The following RBMS2 variants were observed in gnomAD, a reference collection of about 807,000 sequenced individuals.
RBMS2 encodes the protein RNA binding motif single stranded interacting protein 2.
In RBMS2, 38 loss-of-function variants were observed where a neutral mutation model predicts 58.4. That is an observed-to-expected ratio of 0.65 (90% CI 0.50 to 0.85). The LOEUF (loss-of-function observed/expected upper bound fraction) is 0.85, where lower values mean the gene tolerates loss of function less well. RBMS2 is among the 40% of genes least tolerant of loss of function. RBMS2 has a pLI of 0.00. For missense variants in RBMS2, 367 were observed against 503.7 expected, an observed-to-expected ratio of 0.73 and a Z score of 2.60; for synonymous variants, 151 against 180.7, an observed-to-expected ratio of 0.84 and a Z score of 1.32.
In RBMS2 at chr12:56,547,397, T is replaced by C. The variant is rs538815179; in HGVS notation, c.67-15020T>C. On this transcript the variant is annotated intron_variant, in intron 1 of 13. Transcript: ENST00000262031. ...AAAAGTTTATTGTTCTGGCTGGGTA[T>C]GGTGGCTCATGCCTGTAATCCCAGC... Among the ~76,000 whole-genome samples, 87 of 151,158 alleles carry C rather than the reference T, an allele frequency of 5.8e-4. 1 individual carries two copies. The highest frequency in any genetic ancestry group is 2.1e-3 in the African/African-American group (86 of 41,220).
At chr12:56,536,200 CAAAAAAAAAAAAA>C (rs71446560) in intron 1 of RBMS2, among the ~76,000 whole-genome samples, 5 of 76,422 alleles carry the variant, frequency 6.5e-5, no homozygotes, top group African/African-American at 1.9e-4. Context: ...AACTCTGTCT[CAAAAAAAAAAAAA>C]AAAAAAAAAA....
intron 1 of RBMS2, among the ~76,000 whole-genome samples, chr12:56,541,055 T>C (rs2136299687): frequency 6.7e-6 from 1 of 149,588 alleles, no homozygotes; most frequent in Admixed American, 6.7e-5. Context: ...GAACCATGAT[T>C]GTGCCACTAC....
At chr12:56,587,430 C>G (rs1320993167) in intron 10 of RBMS2, 124 bp from the exon 11 acceptor site, 8 of 1,003,942 alleles carry the variant, frequency 8.0e-6, no homozygotes, top group Admixed American at 2.8e-5. Context: ...TGGGTTGCTG[C>G]TCACTTACCA....
intron 5 of RBMS2, among the ~76,000 whole-genome samples, chr12:56,573,718 A>G (rs1882707100): frequency 6.6e-6 from 1 of 150,384 alleles, no homozygotes; most frequent in South Asian, 2.1e-4. Context: ...AATACCTAAC[A>G]GTTCAATTTA....
At chr12:56,573,295 G>A (rs1882602607) in intron 5 of RBMS2, 3 of 543,302 alleles carry the variant, frequency 5.5e-6, no homozygotes, top group Admixed American at 6.4e-5. Flanking sequence ...TGGCCAACCT[G>A]GTGAAACCCC....
At position 56,551,961 on chromosome 12, in the gene RBMS2, G is replaced by T. The variant is rs1433112545; in HGVS notation, c.67-10456G>T. On this transcript the variant is annotated intron_variant, in intron 1 of 13. Coordinates refer to ENST00000262031, the MANE Select transcript of RBMS2 (RefSeq NM_002898.4). Reference sequence around the variant, plus strand: ...AACTTAGCCGGGCATGGTGGCATGCGCCTGTAGTCCCAGGTACGTGGGAGG... The same window carrying T: ...AACTTAGCCGGGCATGGTGGCATGCTCCTGTAGTCCCAGGTACGTGGGAGG... Among the ~76,000 whole-genome samples, 5 of 152,130 alleles carry T rather than the reference G, an allele frequency of 3.3e-5. No individual in the cohort carries two copies. The East Asian group carries it at 9.6e-4, about 29-fold the overall frequency.
At chr12:56,532,695 T>C (rs1873991470) in intron 1 of RBMS2, among the ~76,000 whole-genome samples, 1 of 152,198 alleles carries the variant, frequency 6.6e-6, no homozygotes, top group African/African-American at 2.4e-5. Context: ...TTTATTTCCT[T>C]CCATTCTTTT....
chr12:56,528,179 G>A (rs554741651), intron 1 of RBMS2, among the ~76,000 whole-genome samples: 3 of 152,056 alleles, frequency 2.0e-5, no homozygotes, highest in South Asian at 2.1e-4. Context: ...AGCTGGTAGA[G>A]GTCGAGGCTA....
At chr12:56,541,411 G>A (rs1267727332) in intron 1 of RBMS2, among the ~76,000 whole-genome samples, 1 of 152,120 alleles carries the variant, frequency 6.6e-6, no homozygotes, top group Non-Finnish European at 1.5e-5. Context: ...TTGCAAACTG[G>A]TAGGGCTGTA....
intron 5 of RBMS2, among the ~76,000 whole-genome samples, chr12:56,576,293 C>T (rs758301727): frequency 2.0e-5 from 3 of 152,134 alleles, no homozygotes; most frequent in Non-Finnish European, 2.9e-5. Context: ...GCCAAGATCA[C>T]ACCACTGCAC....
At chr12:56,570,971 G>A (rs1240488536) in intron 4 of RBMS2, among the ~76,000 whole-genome samples, 2 of 152,200 alleles carry the variant, frequency 1.3e-5, no homozygotes, top group Admixed American at 6.5e-5. Context: ...TAAAGAAAAG[G>A]AAAACAAAAG....
chr12:56,530,526 A>G (rs1873540452), intron 1 of RBMS2, among the ~76,000 whole-genome samples: 1 of 151,248 alleles, frequency 6.6e-6, no homozygotes, highest in Non-Finnish European at 1.5e-5. Context: ...ACACTTGGCT[A>G]ATTTTTAAAT....
chr12:56,586,767 T>C (rs1884726940), intron 9 of RBMS2, 82 bp from the exon 10 acceptor site: 1 of 1,232,430 alleles, frequency 8.1e-7, no homozygotes, highest in Non-Finnish European at 1.2e-6. Flanking sequence ...CAAACTTTTC[T>C]GAGCTTTGTT....
Position 56,573,499 on chromosome 12 carries a change from AAAAG to A in RBMS2, c.542+1647_542+1650del, listed in dbSNP as rs1401424425. Among the ~76,000 whole-genome samples, 76 of 147,310 alleles carry A rather than the reference AAAAG, an allele frequency of 5.2e-4. 1 individual carries two copies. The highest frequency in any genetic ancestry group is 1.0e-3 in the East Asian group (5 of 5,002). ...CTCAAAAAAAAAAAAAAAAAAAAAA[AAAAG>A]AAGAAGAAGAAAAGAAATAGTTCCT... On this transcript the variant is annotated intron_variant, in intron 5 of 13. Coordinates refer to ENST00000262031, the MANE Select transcript of RBMS2 (RefSeq NM_002898.4).
In RBMS2 at chr12:56,590,766, AT is replaced by A. The variant is rs1285852648; in HGVS notation, c.*1635del. The A allele has an allele frequency of 6.6e-6, 1 of 152,264 alleles. No homozygotes were observed. Among genetic ancestry groups the A allele is most frequent in the African/African-American group, 2.4e-5 (1 of 41,440 alleles). 9.4% of individuals were successfully genotyped at this position (152,264 alleles called of 1,614,324 possible). A position where few individuals can be genotyped will look rare whatever the true frequency, so the allele number is the denominator to read the frequency against. ...TGTACTCAGAGGGATTCAGGTGGGC[AT>A]TGTTCTGGTGTGTGCTGTGCAATGG... On this transcript the variant is annotated 3_prime_UTR_variant, in exon 14 of 14. Coordinates refer to ENST00000262031, the MANE Select transcript of RBMS2 (RefSeq NM_002898.4).
intron 1 of RBMS2, among the ~76,000 whole-genome samples, chr12:56,533,937 T>A (rs1874275015): frequency 6.6e-6 from 1 of 151,914 alleles, no homozygotes; most frequent in Admixed American, 6.6e-5. Context: ...TCTTATTTAA[T>A]CCTTACAACT....
At chr12:56,587,479 G>T in intron 10 of RBMS2, 75 bp from the exon 11 acceptor site, 1 of 1,483,904 alleles carries the variant, frequency 6.7e-7, no homozygotes, top group South Asian at 1.3e-5. Context: ...CAGTGGTCCT[G>T]ACAGCCACCG....
rs150693575 is a variant in RBMS2 at position 56,562,537 on chromosome 12, T to C, written c.187T>C (p.Leu63=). 1.3e-5 allele frequency: 21 copies of C among 1,612,930 alleles called. No individual in the cohort carries two copies. The African/African-American group carries it at 2.0e-4, about 15-fold the overall frequency. ...CAAAACCAACCTATACATCCGAGGA[T>C]TGCAACCAGGCACTACTGACCAAGA... ...LSKTNLYIRG[L]QPGTTDQDLV... is the part of the protein sequence containing the mutation. The change falls in exon 2 of 14, where the codon TTG becomes CTG. Residue 63 remains leucine (L), a synonymous_variant. Coordinates refer to ENST00000262031, the MANE Select transcript of RBMS2 (RefSeq NM_002898.4).
At chr12:56,574,050 A>G (rs1026246047) in intron 5 of RBMS2, among the ~76,000 whole-genome samples, 2 of 152,166 alleles carry the variant, frequency 1.3e-5, no homozygotes, top group Non-Finnish European at 2.9e-5. Flanking sequence ...CAGGTTGTCC[A>G]GGCTGTTCTC....
Sources: gnomAD v4.1 joint callset for allele counts (sites outside exome capture counted in the v4.1 genomes callset) on GRCh38, gnomAD v4.1.1 for gene constraint, MANE v1.5 for transcripts, NCBI Gene and HGNC (gene_info 2026-07-23, HGNC 2026-07-21) for gene names.